Variants in PPM1E observed in about 807,000 individuals in gnomAD.
PPM1E encodes the protein protein phosphatase, Mg2+/Mn2+ dependent 1E.
A neutral mutation model predicts 65.9 loss-of-function variants in PPM1E; 20 were observed. The ratio of observed to expected loss-of-function variants is 0.30; its 90% CI spans 0.21 to 0.44. PPM1E has a LOEUF of 0.44. PPM1E is among the 20% of genes least tolerant of loss of function. The pLI, the probability that PPM1E is intolerant of heterozygous loss-of-function variation, is 1.00. For synonymous variants in PPM1E, 352 were observed against 374.9 expected, an observed-to-expected ratio of 0.94 and a Z score of 0.70; for missense variants, 713 against 953.1, an observed-to-expected ratio of 0.75 and a Z score of 3.32.
chr17:58,931,359 C>T (rs1488933576), intron 1 of PPM1E, among the ~76,000 whole-genome samples: 1 of 144,252 alleles, frequency 6.9e-6, no homozygotes, highest in Non-Finnish European at 1.5e-5. Context: ...GCACTCCAAC[C>T]TGAGCGACAA....
At chr17:58,948,362 A>G (rs1018757840) in intron 1 of PPM1E, among the ~76,000 whole-genome samples, 2 of 152,124 alleles carry the variant, frequency 1.3e-5, no homozygotes, top group African/African-American at 4.8e-5. Context: ...AGATTTCCCA[A>G]AGTCTAATCC....
At chr17:58,792,716 A>ATTTTAT (rs2050167699) in intron 1 of PPM1E, among the ~76,000 whole-genome samples, 1 of 112,396 alleles carries the variant, frequency 8.9e-6, no homozygotes, top group African/African-American at 3.8e-5. Context: ...TGGAACAGTT[A>ATTTTAT]TTATTTTATT....
At chr17:58,948,224 GTTCTA>G (rs2052188993) in intron 1 of PPM1E, among the ~76,000 whole-genome samples, 1 of 152,092 alleles carries the variant, frequency 6.6e-6, no homozygotes, top group South Asian at 2.1e-4. Flanking sequence ...GAATGGCAAA[GTTCTA>G]AAATAGCATG....
In PPM1E at chr17:58,965,696, A is replaced by C; in HGVS notation, c.586A>C (p.Ile196Leu). ...ETDGTEGTVE[I>L]ETVKLARSVF... ...GGGTTTCTGTGTTTCTTTCACAGAG[A>C]TTGAGACAGTGAAATTGGCCCGTTC... The change falls in exon 3 of 7, where the codon ATT becomes CTT. Residue 196 changes from isoleucine (I) to leucine (L), a missense_variant and splice_region_variant. Physicochemically the swap from Ile to Leu is conservative, Grantham distance 5. Coordinates refer to ENST00000308249, the MANE Select transcript of PPM1E (RefSeq NM_014906.5). 1 of 1,613,910 alleles carries C rather than the reference A, an allele frequency of 6.2e-7. No individual in the cohort carries two copies. The highest frequency in any genetic ancestry group is 8.5e-7 in the Non-Finnish European group (1 of 1,179,804).
intron 1 of PPM1E, among the ~76,000 whole-genome samples, chr17:58,901,264 G>A (rs1238774059): frequency 2.6e-5 from 4 of 152,154 alleles, no homozygotes; most frequent in Non-Finnish European, 4.4e-5. Flanking sequence ...ATCAACGTGA[G>A]CCACCACCTT....
At chr17:58,758,401 G>T (rs970375062) in intron 1 of PPM1E, among the ~76,000 whole-genome samples, 1 of 151,868 alleles carries the variant, frequency 6.6e-6, no homozygotes, top group Non-Finnish European at 1.5e-5. Flanking sequence ...GGTGTCGCGC[G>T]CCTGTAATCC....
chr17:58,827,962 T>C (rs1246420523), intron 1 of PPM1E, among the ~76,000 whole-genome samples: 2 of 151,226 alleles, frequency 1.3e-5, no homozygotes, highest in Non-Finnish European at 2.9e-5. Flanking sequence ...CTCACGCCTG[T>C]AACCCCAGCA....
intron 6 of PPM1E, among the ~76,000 whole-genome samples, chr17:58,973,943 C>A (rs2030827237): frequency 9.5e-6 from 1 of 105,390 alleles, no homozygotes; most frequent in Admixed American, 1.4e-4. Context: ...CAGAGCGAGA[C>A]TCCATCTCAA....
intron 1 of PPM1E, among the ~76,000 whole-genome samples, chr17:58,775,049 C>T (rs1389309808): frequency 1.3e-5 from 2 of 152,142 alleles, no homozygotes; most frequent in African/African-American, 2.4e-5. Context: ...GATGAGGTTT[C>T]ACCTTGTTGG....
At chr17:58,872,823 ACAAGGT>A (rs67996300) in intron 1 of PPM1E, among the ~76,000 whole-genome samples, 27,830 of 152,040 alleles carry the variant, frequency 0.18, 2,660 homozygotes, top group Non-Finnish European at 0.21. Context: ...ATTTTTCCAT[ACAAGGT>A]CAGTCCATAT....
At chr17:58,862,200 T>C (rs934790202) in intron 1 of PPM1E, among the ~76,000 whole-genome samples, 8 of 152,210 alleles carry the variant, frequency 5.3e-5, no homozygotes, top group African/African-American at 1.9e-4. Flanking sequence ...AAAGGATTGA[T>C]CTTAGGCTAA....
chr17:58,972,357 T>TC, intron 5 of PPM1E, 82 bp downstream of exon 5: 2 of 1,204,690 alleles, frequency 1.7e-6, no homozygotes, highest in East Asian at 5.6e-5. Flanking sequence ...TTCACTTACT[T>TC]TTTTTTTTTT....
At chr17:58,944,265 T>C (rs2052113871) in intron 1 of PPM1E, among the ~76,000 whole-genome samples, 1 of 152,198 alleles carries the variant, frequency 6.6e-6, no homozygotes. Flanking sequence ...ATTCGCATAA[T>C]ATAAAATTTA....
intron 1 of PPM1E, among the ~76,000 whole-genome samples, chr17:58,919,324 G>A (rs1276464794): frequency 2.0e-5 from 3 of 152,158 alleles, no homozygotes; most frequent in African/African-American, 7.2e-5. Flanking sequence ...CATTGAACTT[G>A]AGAGTTCTTG....
At chr17:58,974,124 G>A (rs914076126) in intron 6 of PPM1E, among the ~76,000 whole-genome samples, 8 of 152,190 alleles carry the variant, frequency 5.3e-5, no homozygotes, top group Non-Finnish European at 7.4e-5. Context: ...GTGAGATCCT[G>A]TCTTAAAACA....
At chr17:58,883,420 T>G (rs2143399702) in intron 1 of PPM1E, among the ~76,000 whole-genome samples, 1 of 152,110 alleles carries the variant, frequency 6.6e-6, no homozygotes, top group African/African-American at 2.4e-5. Flanking sequence ...TTTTGTTAAT[T>G]TTAGTCTCTA....
At chr17:58,884,035 G>A (rs2051237921) in intron 1 of PPM1E, among the ~76,000 whole-genome samples, 1 of 152,126 alleles carries the variant, frequency 6.6e-6, no homozygotes, top group African/African-American at 2.4e-5. Context: ...CTGTGCATAG[G>A]GTCACTTAGT....
At chr17:58,968,140 G>A (rs573954309) in intron 3 of PPM1E, among the ~76,000 whole-genome samples, 74 of 152,156 alleles carry the variant, frequency 4.9e-4, no homozygotes, top group Middle Eastern at 6.8e-3. Context: ...CGTCCTTCAT[G>A]TCATTAAAGT....
intron 1 of PPM1E, among the ~76,000 whole-genome samples, chr17:58,866,072 G>C (rs551496615): frequency 7.4e-4 from 112 of 152,272 alleles, no homozygotes; most frequent in Non-Finnish European, 1.0e-3. Context: ...TATAAATGCA[G>C]ATCTCTTTCA....
Sources: allele counts gnomAD v4.1 joint callset (sites outside exome capture counted in the v4.1 genomes callset), GRCh38; gene constraint gnomAD v4.1.1; transcripts MANE v1.5; gene names NCBI Gene and HGNC (gene_info 2026-07-23, HGNC 2026-07-21).